Variants in NSD1 observed in about 807,000 individuals in gnomAD.
NSD1 encodes nuclear receptor binding SET domain protein 1.
NSD1 carries 26 observed loss-of-function variants against 242.7 expected under a neutral mutation model. That is an observed-to-expected ratio of 0.11 (90% CI 0.08 to 0.15). The LOEUF (loss-of-function observed/expected upper bound fraction) is 0.15, where lower values mean the gene tolerates loss of function less well. Ranked by LOEUF, NSD1 falls within the 10% of genes least tolerant of loss-of-function variation. The pLI is 1.00. For synonymous variants in NSD1, 1,106 were observed against 1,178.1 expected (o/e 0.94, Z 1.25); for missense variants, 2,495 against 3,272.8 (o/e 0.76, Z 5.80).
intron 5 of NSD1, among the ~76,000 whole-genome samples, chr5:177,232,366 C>G (rs997047585): frequency 2.6e-5 from 4 of 152,124 alleles, no homozygotes; most frequent in Admixed American, 2.0e-4. Context: ...GTTTAAAATG[C>G]AGGTTGAGCA....
rs1288751984 is a variant in NSD1, at chr5:177,244,282, T to A, written c.4378+12T>A. ...AGATTTTGGTGGAGGTGAGTATTTTTGAGATTTAAAAAACGTAATGCAGTA... is the reference window on the plus strand; with the variant it reads ...AGATTTTGGTGGAGGTGAGTATTTTAGAGATTTAAAAAACGTAATGCAGTA... On this transcript the variant is annotated intron_variant, in intron 9 of 22. Transcript: ENST00000439151. 1 of 1,598,776 alleles carries A rather than the reference T, an allele frequency of 6.3e-7. No homozygotes were observed. The highest frequency in any genetic ancestry group is 8.6e-7 in the Non-Finnish European group (1 of 1,166,446).
At position 177,260,158 on chromosome 5, in the gene NSD1, G is replaced by T; in HGVS notation, c.5136G>T (p.Val1712=). The change falls in exon 14 of 23, where the codon GTG becomes GTT. Residue 1712 remains valine (V), a synonymous_variant. Coordinates refer to ENST00000439151, the MANE Select transcript of NSD1 (RefSeq NM_022455.5). ...HEHVNVSWCF[V]CSEGGSLLCC... ...ATGTTAATGTTAGCTGGTGCTTTGT[G>T]TGCTCAGAAGGTAAGAAATCATTTC... The T allele has an allele frequency of 6.2e-7, 1 of 1,613,962 alleles. No homozygotes were observed. Among genetic ancestry groups the T allele is most frequent in the Non-Finnish European group, 8.5e-7 (1 of 1,179,984 alleles).
chr5:177,185,841 T>TA (rs1761113948), intron 2 of NSD1, among the ~76,000 whole-genome samples: 1 of 82,240 alleles, frequency 1.2e-5, no homozygotes, highest in South Asian at 3.1e-4. Flanking sequence ...TTTTATATAT[T>TA]TAAATATATA....
At chr5:177,186,078 T>C in intron 2 of NSD1, among the ~76,000 whole-genome samples, 1 of 117,836 alleles carries the variant, frequency 8.5e-6, no homozygotes, top group Admixed American at 1.2e-4. Flanking sequence ...ATGTTATATA[T>C]AATATATTAT....
At chr5:177,282,421 G>T in intron 18 of NSD1, 44 bp from the exon 19 acceptor site, 1 of 1,178,448 alleles carries the variant, frequency 8.5e-7, no homozygotes, top group Non-Finnish European at 1.3e-6. Flanking sequence ...TTGGATACCA[G>T]TGTCCTTTTT....
chr5:177,282,115 G>A (rs528443033), intron 18 of NSD1, among the ~76,000 whole-genome samples: 1 of 152,306 alleles, frequency 6.6e-6, no homozygotes, highest in African/African-American at 2.4e-5. Flanking sequence ...CAAGGAAGAT[G>A]AACATAGTTT....
rs917021953 is a variant in NSD1, at chr5:177,262,615, A to G, written c.5146+2447A>G. On this transcript the variant is annotated intron_variant, in intron 14 of 22. Transcript: ENST00000439151. The stretch of plus-strand genomic sequence containing the variant: ...GCTACAAGGCTGGGCGCCATGGCTC[A>G]TGCCTCTAATCCCAGCACTTTGGGA... Among the ~76,000 whole-genome samples, 12 of 152,232 alleles carry G rather than the reference A, an allele frequency of 7.9e-5. 1 individual carries two copies. The highest frequency in any genetic ancestry group is 7.9e-4 in the Admixed American group (12 of 15,284).
rs1758844557 is a variant in NSD1, at chr5:177,162,530, G to A, written c.927+26500G>A. Among the ~76,000 whole-genome samples the A allele has an allele frequency of 1.3e-5, 2 of 152,046 alleles. 1 individual carries two copies. The highest frequency in any genetic ancestry group is 6.3e-3 in the Middle Eastern group (2 of 316). On this transcript the variant is annotated intron_variant, in intron 2 of 22. Transcript: ENST00000439151. ...CTCACCTCTGCCTCATGAGTAGTTG[G>A]AACCACAGGCATGTGTCACCATGCT...
In NSD1 at chr5:177,195,881, G is replaced by A. The variant is rs1303200360; in HGVS notation, c.1063+3862G>A. On this transcript the variant is annotated intron_variant, in intron 3 of 22. Transcript: ENST00000439151. ...GCTAGGTTTTGGGATTCATTATTGG[G>A]CCATACATCTATACTGCTTGCTCTC... Among the ~76,000 whole-genome samples, 5 of 152,098 alleles carry A rather than the reference G, an allele frequency of 3.3e-5. No individual in the cohort carries two copies. In the East Asian group the frequency reaches 7.7e-4, roughly 24 times the overall value.
chr5:177,144,102 A>G (rs886888266), intron 2 of NSD1, among the ~76,000 whole-genome samples: 2 of 152,154 alleles, frequency 1.3e-5, no homozygotes, highest in African/African-American at 4.8e-5. Context: ...GATAATTTAT[A>G]TGAAGTAATA....
intron 21 of NSD1, among the ~76,000 whole-genome samples, chr5:177,289,842 T>G (rs1283077135): frequency 6.6e-6 from 1 of 151,666 alleles, no homozygotes; most frequent in Non-Finnish European, 1.5e-5. Flanking sequence ...GTGTTTTTTT[T>G]TTTGAGGTGG....
At chr5:177,167,434 C>T (rs1759298506) in intron 2 of NSD1, among the ~76,000 whole-genome samples, 1 of 151,984 alleles carries the variant, frequency 6.6e-6, no homozygotes, top group African/African-American at 2.4e-5. Context: ...ACTTGGGAGG[C>T]TGAGGCAGGA....
At chr5:177,200,182 C>T (rs1581277153) in intron 3 of NSD1, among the ~76,000 whole-genome samples, 1 of 152,144 alleles carries the variant, frequency 6.6e-6, no homozygotes, top group African/African-American at 2.4e-5. Flanking sequence ...CCTCTGCCTC[C>T]TGGGTTCAAG....
rs979145617 is a variant in NSD1 at position 177,300,066 on chromosome 5, C to A, written c.*4607C>A. On this transcript the variant is annotated 3_prime_UTR_variant, in exon 23 of 23. Coordinates refer to ENST00000439151, the MANE Select transcript of NSD1 (RefSeq NM_022455.5). ...ATTGCTTTTTTGCCGCGCCCCCCCC[C>A]CCCCGCCCCCATAGATTGTCAGCTG... The A allele has an allele frequency of 2.0e-5, 4 of 196,532 alleles. No individual in the cohort carries two copies. The highest frequency in any genetic ancestry group is 1.3e-4 in the Admixed American group (2 of 15,924). 12.2% of individuals were successfully genotyped at this position (196,532 alleles called of 1,614,324 possible).
In NSD1 at chr5:177,295,000, C is replaced by G; in HGVS notation, c.7632C>G (p.Ala2544=). The G allele has an allele frequency of 6.2e-7, 1 of 1,614,240 alleles. No individual in the cohort carries two copies. The highest frequency in any genetic ancestry group is 8.5e-7 in the Non-Finnish European group (1 of 1,180,046). Residue 2544 remains alanine, a synonymous_variant, in exon 23 of 23, where the codon GCC becomes GCG. Transcript: ENST00000439151. The stretch of plus-strand genomic sequence containing the variant: ...CCAGACTTCTTTCTCAGCCTCCTGC[C>G]AAGGCCTTTTTATATGAGCCAACAA... ...TQARLLSQPP[A]KAFLYEPTTQ... is the part of the protein sequence containing the mutation.
chr5:177,268,622 T>C (rs1356998115), intron 15 of NSD1, among the ~76,000 whole-genome samples: 2 of 152,186 alleles, frequency 1.3e-5, no homozygotes, highest in Non-Finnish European at 2.9e-5. Context: ...TTGAGGTTTA[T>C]TCCATGCCCT....
rs150240794 is a variant in NSD1, at chr5:177,234,623, G to T, written c.3797-1198G>T. On this transcript the variant is annotated intron_variant, in intron 5 of 22. Transcript: ENST00000439151. ...CCCAGCTACTCAGGAGGCTGAGGCA[G>T]TAGAATCGCTTGATCCTGGAAGGTG... is the stretch of plus-strand genomic sequence containing the variant. 2.9e-3 allele frequency among the ~76,000 whole-genome samples: 447 copies of T among 152,306 alleles called. 10 individuals carry two copies. In the East Asian group the frequency reaches 0.075, roughly 26 times the overall value.
intron 16 of NSD1, among the ~76,000 whole-genome samples, chr5:177,271,125 C>G (rs932390274): frequency 3.9e-4 from 60 of 152,212 alleles, no homozygotes; most frequent in African/African-American, 1.4e-3. Context: ...CTAGGTGCCT[C>G]TGACTTCTTC....
At position 177,186,037 on chromosome 5, in the gene NSD1, TATATATA is replaced by T. The variant is rs571262490; in HGVS notation, c.928-5834_928-5828del. Among the ~76,000 whole-genome samples, 249 of 106,616 alleles carry T rather than the reference TATATATA, an allele frequency of 2.3e-3. 4 individuals carry two copies. In the East Asian group the frequency reaches 0.028, roughly 12 times the overall value. 69.9% of individuals were successfully genotyped at this position (106,616 alleles called of 152,430 possible). On this transcript the variant is annotated intron_variant, in intron 2 of 22. Coordinates refer to ENST00000439151, the MANE Select transcript of NSD1 (RefSeq NM_022455.5). ...TATATTATATATTATATATTTTTTA[TATATATA>T]ATATATAATATAACATATAATATAT...
Sources: gnomAD v4.1 joint callset for allele counts (sites outside exome capture counted in the v4.1 genomes callset) on GRCh38, gnomAD v4.1.1 for gene constraint, MANE v1.5 for transcripts, NCBI Gene and HGNC (gene_info 2026-07-23, HGNC 2026-07-21) for gene names.